Variants in CABLES1 observed in about 807,000 individuals in gnomAD.
CABLES1 encodes CDK5 and ABL1 enzyme substrate 1.
Under a neutral mutation model 57.8 loss-of-function variants are expected in CABLES1, and 36 were observed. The observed-to-expected ratio is 0.62, with a 90% CI of 0.48 to 0.82. The LOEUF (loss-of-function observed/expected upper bound fraction) is 0.82. CABLES1 is among the 40% of genes least tolerant of loss of function. The probability of loss-of-function intolerance (pLI) is 0.00; values close to 1 mark genes in which losing one functional copy is unlikely to be tolerated. For synonymous variants in CABLES1, 374 were observed against 363.0 expected (o/e 1.03, Z -0.35); for missense variants, 767 against 836.6 (o/e 0.92, Z 1.03).
intron 1 of CABLES1, among the ~76,000 whole-genome samples, chr18:23,168,769 A>T (rs4800455): frequency 1.6e-4 from 24 of 152,162 alleles, no homozygotes; most frequent in Non-Finnish European, 3.1e-4. Flanking sequence ...TCCTCGCTCC[A>T]TGTCCCTGCT....
intron 1 of CABLES1, among the ~76,000 whole-genome samples, chr18:23,144,827 A>G (rs1398097562): frequency 2.0e-5 from 3 of 152,136 alleles, no homozygotes; most frequent in Non-Finnish European, 4.4e-5. Flanking sequence ...TATTTACACC[A>G]CAGGAATCGG....
At chr18:23,172,562 C>T (rs2047090220) in intron 1 of CABLES1, among the ~76,000 whole-genome samples, 1 of 152,146 alleles carries the variant, frequency 6.6e-6, no homozygotes, top group Non-Finnish European at 1.5e-5. Flanking sequence ...GGTTGAAAAC[C>T]ATGTCTCCCC....
intron 4 of CABLES1, among the ~76,000 whole-genome samples, chr18:23,223,151 G>C (rs908941726): frequency 3.3e-5 from 5 of 152,192 alleles, no homozygotes; most frequent in African/African-American, 4.8e-5. Context: ...GCTTTTGGCT[G>C]ACAGGTTTAT....
chr18:23,197,650 T>C (rs1400933652), intron 3 of CABLES1: 2 of 152,250 alleles, frequency 1.3e-5, no homozygotes, highest in Non-Finnish European at 2.9e-5. Flanking sequence ...GCAGGAGCTC[T>C]TGGCTGGCCC....
chr18:23,236,137 A>G lies in CABLES1; in HGVS notation c.1342+86A>G, dbSNP rs2047608287. 1.2e-5 allele frequency: 17 copies of G among 1,416,804 alleles called. No homozygotes were observed. The South Asian group carries it at 1.8e-4, about 15-fold the overall frequency. The allele number at this position is 1,416,804 out of a possible 1,614,324, so 87.8% of individuals were successfully genotyped here. A position where few individuals can be genotyped will look rare whatever the true frequency, so the allele number is the denominator to read the frequency against. On this transcript the variant is annotated intron_variant, in intron 6 of 9. Transcript: ENST00000256925. The stretch of plus-strand genomic sequence containing the variant: ...TGGGGATTGAGTCTCCCTGTGATGC[A>G]GACTGGAAGACAGGGGCTCGCAGGT...
At position 23,213,941 on chromosome 18, in the gene CABLES1, G is replaced by A. The variant is rs1001156429; in HGVS notation, c.1011-36G>A. On this transcript the variant is annotated intron_variant, in intron 3 of 9. Transcript: ENST00000256925. ...TTTTTAGTTTGATTCTTTGCATTTA[G>A]TGTGTTTGTTGTTTGTTCTTCTTTT... is the stretch of plus-strand genomic sequence containing the variant. The A allele has an allele frequency of 2.9e-6, 4 of 1,374,880 alleles. No individual in the cohort carries two copies. The African/African-American group carries it at 4.3e-5, about 15-fold the overall frequency. 85.2% of individuals were successfully genotyped at this position (1,374,880 alleles called of 1,614,324 possible).
intron 7 of CABLES1, among the ~76,000 whole-genome samples, chr18:23,245,426 G>A (rs1269325949): frequency 6.6e-6 from 1 of 151,222 alleles, no homozygotes; most frequent in South Asian, 2.1e-4. Flanking sequence ...CACGAGAATC[G>A]CTTGAACCCG....
Position 23,195,636 on chromosome 18 carries a change from A to T in CABLES1, c.1010+1096A>T, listed in dbSNP as rs866697236. Among the ~76,000 whole-genome samples, 9 of 152,362 alleles carry T rather than the reference A, an allele frequency of 5.9e-5. No homozygotes were observed. The Middle Eastern group carries it at 0.01, about 173-fold the overall frequency. On this transcript the variant is annotated intron_variant, in intron 3 of 9. Coordinates refer to ENST00000256925, the MANE Select transcript of CABLES1 (RefSeq NM_001100619.3). ...TTTATAACAGTTGCAGTGGTTTCAG[A>T]ATAGCAAAATTGAGCTTTCCAAATG...
intron 4 of CABLES1, among the ~76,000 whole-genome samples, chr18:23,218,945 C>T (rs946997640): frequency 6.6e-6 from 1 of 152,172 alleles, no homozygotes; most frequent in Non-Finnish European, 1.5e-5. Flanking sequence ...CACTGGAGAA[C>T]ACTGGAGCTG....
In CABLES1 at chr18:23,258,051, C is replaced by T. The variant is rs943199296; in HGVS notation, c.*684C>T. ...CGGTACCAGACAGTTTGACATCCTCCACCCTTAGAAAATGACTGACATTGT... is the reference window on the plus strand; with the variant it reads ...CGGTACCAGACAGTTTGACATCCTCTACCCTTAGAAAATGACTGACATTGT... On this transcript the variant is annotated 3_prime_UTR_variant, in exon 10 of 10. Coordinates refer to ENST00000256925, the MANE Select transcript of CABLES1 (RefSeq NM_001100619.3). The T allele has an allele frequency of 2.0e-5, 3 of 152,234 alleles. No homozygotes were observed. Among genetic ancestry groups the T allele is most frequent in the African/African-American group, 7.2e-5 (3 of 41,468 alleles). 9.4% of individuals were successfully genotyped at this position (152,234 alleles called of 1,614,324 possible).
intron 3 of CABLES1, among the ~76,000 whole-genome samples, chr18:23,207,183 A>G (rs761311042): frequency 1.2e-4 from 18 of 152,332 alleles, no homozygotes; most frequent in Non-Finnish European, 2.4e-4. Context: ...TAGGTCATAT[A>G]TAAGGGACCC....
At chr18:23,196,471 G>A (rs532491854) in intron 3 of CABLES1, among the ~76,000 whole-genome samples, 35 of 152,172 alleles carry the variant, frequency 2.3e-4, no homozygotes, top group Admixed American at 1.4e-3. Context: ...AGCCTGGGAG[G>A]AAGCCAGGAA....
At chr18:23,244,733 T>A (rs996318165) in intron 7 of CABLES1, among the ~76,000 whole-genome samples, 2 of 152,214 alleles carry the variant, frequency 1.3e-5, no homozygotes, top group African/African-American at 4.8e-5. Flanking sequence ...TATCCTTCCT[T>A]CCTTTCACAG....
intron 1 of CABLES1, among the ~76,000 whole-genome samples, chr18:23,163,462 G>C (rs2047019228): frequency 6.6e-6 from 1 of 152,156 alleles, no homozygotes; most frequent in Non-Finnish European, 1.5e-5. Flanking sequence ...AGGTTGAGTA[G>C]AAGAGCACCT....
chr18:23,228,051 T>C (rs2047540805), intron 4 of CABLES1, among the ~76,000 whole-genome samples: 1 of 152,222 alleles, frequency 6.6e-6, no homozygotes, highest in African/African-American at 2.4e-5. Flanking sequence ...ACCTAGTTAA[T>C]TGGATCACAC....
intron 8 of CABLES1, 36 bp from the exon 9 acceptor site, chr18:23,253,693 T>C (rs964093849): frequency 2.5e-6 from 4 of 1,580,560 alleles, no homozygotes; most frequent in Non-Finnish European, 3.5e-6. Context: ...CTCTAAGTTT[T>C]CACAAGACTG....
At chr18:23,222,861 G>A (rs1230407699) in intron 4 of CABLES1, among the ~76,000 whole-genome samples, 1 of 152,176 alleles carries the variant, frequency 6.6e-6, no homozygotes, top group African/African-American at 2.4e-5. Context: ...CACAGTGAAA[G>A]TCAAAGTTGC....
chr18:23,205,825 C>G (rs1050344084), intron 3 of CABLES1, among the ~76,000 whole-genome samples: 18 of 152,122 alleles, frequency 1.2e-4, no homozygotes, highest in Non-Finnish European at 4.4e-5. Flanking sequence ...TGCCACTGCC[C>G]TCTAGTCTAG....
chr18:23,222,899 C>T (rs541261707), intron 4 of CABLES1, among the ~76,000 whole-genome samples: 2 of 152,226 alleles, frequency 1.3e-5, no homozygotes, highest in Admixed American at 6.5e-5. Context: ...AAGAGGGCGT[C>T]GAGCTGCACC....
Sources: gnomAD v4.1 joint callset for allele counts (sites outside exome capture counted in the v4.1 genomes callset) on GRCh38, gnomAD v4.1.1 for gene constraint, MANE v1.5 for transcripts, NCBI Gene and HGNC (gene_info 2026-07-23, HGNC 2026-07-21) for gene names.